PTN: variants seen among roughly 807,000 people sequenced by gnomAD.
PTN encodes pleiotrophin, also known as heparin affin regulatory protein.
Under a neutral mutation model 24.1 loss-of-function variants are expected in PTN, and 18 were observed. The observed-to-expected ratio is 0.75, with a 90% CI of 0.52 to 1.11. The LOEUF (loss-of-function observed/expected upper bound fraction) is 1.11, where lower values mean the gene tolerates loss of function less well. Ranked by LOEUF, PTN falls within the 50% of genes least tolerant of loss-of-function variation. The pLI is 0.00. For synonymous variants in PTN, 78 were observed against 68.6 expected, an observed-to-expected ratio of 1.14 and a Z score of -0.67; for missense variants, 163 against 198.8, an observed-to-expected ratio of 0.82 and a Z score of 1.08.
At chr7:137,266,344 T>TA (rs1809144346) in intron 1 of PTN, among the ~76,000 whole-genome samples, 2 of 152,336 alleles carry the variant, frequency 1.3e-5, no homozygotes, top group South Asian at 4.1e-4. Flanking sequence ...TGCCTCCTTA[T>TA]AGTCCTTTTA....
intron 1 of PTN, among the ~76,000 whole-genome samples, chr7:137,343,124 C>A (rs769489045): frequency 6.6e-6 from 1 of 152,202 alleles, no homozygotes; most frequent in Non-Finnish European, 1.5e-5. Context: ...AGCAAAGATG[C>A]ACTCTCCAGC....
chr7:137,233,137 A>G (rs970985345), intron 4 of PTN, among the ~76,000 whole-genome samples: 3 of 151,964 alleles, frequency 2.0e-5, no homozygotes, highest in African/African-American at 7.2e-5. Flanking sequence ...TGAATAGAAA[A>G]CAAAATCTTG....
intron 1 of PTN, among the ~76,000 whole-genome samples, chr7:137,270,625 C>T (rs1049982645): frequency 6.6e-6 from 1 of 152,082 alleles, no homozygotes; most frequent in African/African-American, 2.4e-5. Flanking sequence ...AGAGTTGCAG[C>T]CTTTGTGGCA....
At chr7:137,267,530 C>G (rs1174298441) in intron 1 of PTN, among the ~76,000 whole-genome samples, 1 of 152,140 alleles carries the variant, frequency 6.6e-6, no homozygotes, top group African/African-American at 2.4e-5. Context: ...TGATGGCCAA[C>G]CCACCTCAAA....
At chr7:137,239,396 T>G (rs1404044545) in intron 4 of PTN, among the ~76,000 whole-genome samples, 1 of 143,968 alleles carries the variant, frequency 6.9e-6, no homozygotes, top group Non-Finnish European at 1.5e-5. Context: ...ATTTATTTAT[T>G]TATTTATTTA....
At chr7:137,328,063 T>C (rs1488620362) in intron 1 of PTN, among the ~76,000 whole-genome samples, 2 of 152,170 alleles carry the variant, frequency 1.3e-5, no homozygotes, top group Non-Finnish European at 2.9e-5. Context: ...CTAACTATAT[T>C]ATAAAATAAA....
intron 1 of PTN, chr7:137,318,564 A>G (rs1470881844): frequency 6.6e-6 from 1 of 152,222 alleles, no homozygotes; most frequent in African/African-American, 2.4e-5. Flanking sequence ...TTCTATTTCC[A>G]GGACTTTGAA....
At chr7:137,258,696 T>A (rs1005229305) in intron 1 of PTN, among the ~76,000 whole-genome samples, 1 of 152,148 alleles carries the variant, frequency 6.6e-6, no homozygotes, top group African/African-American at 2.4e-5. Context: ...AATACTTGAG[T>A]AACTAGTATA....
At position 137,321,520 on chromosome 7, in the gene PTN, T is replaced by G. The variant is rs1810162614; in HGVS notation, c.-2+21919A>C. ...TGGCACTAATAGTGTTTATCATTGA[T>G]GCCACGTTCTTAGATGGTAGATGCT... On this transcript the variant is annotated intron_variant, in intron 1 of 4. Transcript: ENST00000348225. Among the ~76,000 whole-genome samples, 3 of 152,236 alleles carry G rather than the reference T, an allele frequency of 2.0e-5. No individual in the cohort carries two copies. The South Asian group carries it at 6.2e-4, about 32-fold the overall frequency.
At chr7:137,237,439 G>A (rs998939302) in intron 4 of PTN, among the ~76,000 whole-genome samples, 1 of 152,080 alleles carries the variant, frequency 6.6e-6, no homozygotes, top group Non-Finnish European at 1.5e-5. Flanking sequence ...CCGCGAATTC[G>A]ATTTCAGACT....
At chr7:137,329,246 A>G (rs1356816495) in intron 1 of PTN, among the ~76,000 whole-genome samples, 1 of 152,210 alleles carries the variant, frequency 6.6e-6, no homozygotes, top group Non-Finnish European at 1.5e-5. Flanking sequence ...AGTATTATTA[A>G]TGCTGGTGAA....
intron 1 of PTN, among the ~76,000 whole-genome samples, chr7:137,329,796 G>A (rs1810320334): frequency 6.6e-6 from 1 of 152,104 alleles, no homozygotes. Context: ...TCATTTTCAG[G>A]AATATCCATA....
intron 1 of PTN, among the ~76,000 whole-genome samples, chr7:137,256,273 G>C (rs948406345): frequency 7.2e-5 from 11 of 152,106 alleles, no homozygotes; most frequent in African/African-American, 2.7e-4. Flanking sequence ...GTGCCATGAT[G>C]GTTTGCTGCA....
intron 4 of PTN, among the ~76,000 whole-genome samples, chr7:137,236,986 T>A (rs1290658653): frequency 6.6e-6 from 1 of 152,154 alleles, no homozygotes; most frequent in Non-Finnish European, 1.5e-5. Flanking sequence ...GTTTTTCCTA[T>A]TCATTACCAA....
intron 1 of PTN, among the ~76,000 whole-genome samples, chr7:137,335,796 T>A (rs766626790): frequency 6.6e-6 from 1 of 152,200 alleles, no homozygotes; most frequent in African/African-American, 2.4e-5. Flanking sequence ...CTAAGGCTTA[T>A]ATTTAGTGAG....
At chr7:137,283,937 G>GA in intron 1 of PTN, among the ~76,000 whole-genome samples, 1 of 124,744 alleles carries the variant, frequency 8.0e-6, no homozygotes, top group Non-Finnish European at 1.6e-5. Context: ...AAATGAATGT[G>GA]AAAATGAGCA....
intron 1 of PTN, among the ~76,000 whole-genome samples, chr7:137,288,199 T>G (rs1281796446): frequency 1.3e-5 from 2 of 152,196 alleles, no homozygotes; most frequent in African/African-American, 4.8e-5. Flanking sequence ...ATAAATGAAT[T>G]GTTTAATAAA....
intron 1 of PTN, chr7:137,287,575 C>G (rs745528562): frequency 2.6e-5 from 4 of 151,876 alleles, no homozygotes; most frequent in Non-Finnish European, 4.4e-5. Flanking sequence ...ATAAAATATA[C>G]TATATGACCC....
intron 1 of PTN, among the ~76,000 whole-genome samples, chr7:137,301,441 A>G (rs539589703): frequency 6.6e-6 from 1 of 152,072 alleles, no homozygotes; most frequent in South Asian, 2.1e-4. Flanking sequence ...GCTCATGTAA[A>G]GATTGGACTA....
Sources: gnomAD v4.1 joint callset for allele counts (sites outside exome capture counted in the v4.1 genomes callset) on GRCh38, gnomAD v4.1.1 for gene constraint, MANE v1.5 for transcripts, NCBI Gene and HGNC (gene_info 2026-07-23, HGNC 2026-07-21) for gene names.